The following SMPD3 variants were observed in gnomAD, a reference collection of about 807,000 sequenced individuals.
SMPD3 encodes sphingomyelin phosphodiesterase 3.
SMPD3 carries 21 observed loss-of-function variants against 55.7 expected under a neutral mutation model. That is an observed-to-expected ratio of 0.38 (90% CI 0.27 to 0.54). The LOEUF is 0.54. Ranked by LOEUF, SMPD3 falls within the 20% of genes least tolerant of loss-of-function variation. The pLI, the probability that SMPD3 is intolerant of heterozygous loss-of-function variation, is 0.80. For synonymous variants in SMPD3, 457 were observed against 404.3 expected (o/e 1.13, Z -1.56); for missense variants, 842 against 899.6 (o/e 0.94, Z 0.82).
Position 68,388,704 on chromosome 16 carries a change from G to T in SMPD3, c.-268-2045C>A, listed in dbSNP as rs72792238. On this transcript the variant is annotated intron_variant, in intron 1 of 8. Coordinates refer to ENST00000219334, the MANE Select transcript of SMPD3 (RefSeq NM_018667.4). ...ATCCCTGCATGTTTTTTTCAAAATA[G>T]AATTAAATGACAAGAACTGACTATT... 6.3e-3 allele frequency among the ~76,000 whole-genome samples: 949 copies of T among 150,926 alleles called. 1 individual carries two copies. Among genetic ancestry groups the T allele is most frequent in the Non-Finnish European group, 0.01 (683 of 67,834 alleles).
At chr16:68,376,575 T>G (rs575060356) in intron 2 of SMPD3, among the ~76,000 whole-genome samples, 2 of 152,368 alleles carry the variant, frequency 1.3e-5, no homozygotes, top group East Asian at 3.9e-4. Flanking sequence ...TCCATGGATT[T>G]GTCCCCTTTG....
intron 1 of SMPD3, among the ~76,000 whole-genome samples, chr16:68,400,927 G>A (rs1449376240): frequency 6.6e-6 from 1 of 152,200 alleles, no homozygotes; most frequent in Non-Finnish European, 1.5e-5. Context: ...GATCACAGAG[G>A]CCAAACAATA....
intron 1 of SMPD3, among the ~76,000 whole-genome samples, chr16:68,409,797 T>G (rs907491498): frequency 3.3e-5 from 5 of 152,120 alleles, no homozygotes. Flanking sequence ...GTTTCACTGT[T>G]TTAGCCGGGA....
intron 1 of SMPD3, among the ~76,000 whole-genome samples, chr16:68,439,501 G>A (rs1406002601): frequency 6.6e-6 from 1 of 152,234 alleles, no homozygotes; most frequent in Non-Finnish European, 1.5e-5. Context: ...CTTGGTACCT[G>A]AAAGTCAGGG....
chr16:68,429,731 A>C (rs971914357), intron 1 of SMPD3, among the ~76,000 whole-genome samples: 1 of 152,160 alleles, frequency 6.6e-6, no homozygotes, highest in African/African-American at 2.4e-5. Context: ...GCTTTTCAAA[A>C]TGAAGGACTT....
chr16:68,442,459 C>T (rs1270542263), intron 1 of SMPD3, among the ~76,000 whole-genome samples: 4 of 152,202 alleles, frequency 2.6e-5, no homozygotes, highest in East Asian at 3.8e-4. Flanking sequence ...CCGTGCCCAG[C>T]GCTGTGGCTG....
Position 68,371,735 on chromosome 16 carries a change from C to T in SMPD3, c.447G>A (p.Ala149=), listed in dbSNP as rs753660689. Residue 149 remains alanine, a synonymous_variant, in exon 3 of 9, where the codon GCG becomes GCA. Coordinates refer to ENST00000219334, the MANE Select transcript of SMPD3 (RefSeq NM_018667.4). ...TTCTCTGCCCGATCTCCTTGGCCCG[C>T]GCTTGGGTGTTAAAAAGGTTGTTGA... The part of the protein sequence containing the change: ...ARVNNLFNTQ[A]RAKEIGQRIR... The T allele has an allele frequency of 1.4e-5, 23 of 1,608,554 alleles. No homozygotes were observed. The highest frequency in any genetic ancestry group is 4.5e-5 in the East Asian group (2 of 44,806).
chr16:68,389,992 G>A (rs1367025367), intron 1 of SMPD3, among the ~76,000 whole-genome samples: 1 of 152,230 alleles, frequency 6.6e-6, no homozygotes, highest in Non-Finnish European at 1.5e-5. Context: ...GAGGGTGCTG[G>A]TTGGCTATTT....
At chr16:68,378,427 TTGGGGTC>T (rs2089872548) in intron 2 of SMPD3, among the ~76,000 whole-genome samples, 1 of 152,140 alleles carries the variant, frequency 6.6e-6, no homozygotes, top group Non-Finnish European at 1.5e-5. Flanking sequence ...CCAGGTAGAA[TTGGGGTC>T]TGGGGTCTGG....
intron 1 of SMPD3, among the ~76,000 whole-genome samples, chr16:68,421,747 G>C (rs575673362): frequency 6.6e-6 from 1 of 152,318 alleles, no homozygotes; most frequent in African/African-American, 2.4e-5. Context: ...AAAGAGTCTA[G>C]GGGTGGGCAT....
chr16:68,371,163 T>C lies in SMPD3; in HGVS notation c.1019A>G (p.His340Arg), dbSNP rs2089653367. Reference sequence around the variant, plus strand: ...CTCATGGTCGAAGGCCTCGTCGGGGTGCCGCCTCCTGCGTGCAGCCGCCTT... The same window carrying C: ...CTCATGGTCGAAGGCCTCGTCGGGGCGCCGCCTCCTGCGTGCAGCCGCCTT... Reference protein sequence around the residue: ...VKKAAARRRRHPDEAFDHEVS... With the variant: ...VKKAAARRRRRPDEAFDHEVS... The change falls in exon 3 of 9, where the codon CAC becomes CGC. Residue 340 changes from histidine to arginine, a missense_variant. His to Arg is a conservative substitution (Grantham distance 29). Coordinates refer to ENST00000219334, the MANE Select transcript of SMPD3 (RefSeq NM_018667.4). The C allele has an allele frequency of 6.2e-7, 1 of 1,613,316 alleles. No homozygotes were observed. Among genetic ancestry groups the C allele is most frequent in the Non-Finnish European group, 8.5e-7 (1 of 1,179,958 alleles).
At chr16:68,409,132 C>A (rs187812938) in intron 1 of SMPD3, among the ~76,000 whole-genome samples, 4 of 152,370 alleles carry the variant, frequency 2.6e-5, no homozygotes, top group African/African-American at 4.8e-5. Flanking sequence ...GGAATTCCAG[C>A]AGGCACTGCA....
chr16:68,392,660 G>C (rs1385071380), intron 1 of SMPD3, among the ~76,000 whole-genome samples: 2 of 151,904 alleles, frequency 1.3e-5, no homozygotes, highest in African/African-American at 4.8e-5. Context: ...CCAAGAGTTA[G>C]AGACCAGCCT....
At chr16:68,393,420 C>A (rs551747472) in intron 1 of SMPD3, among the ~76,000 whole-genome samples, 1 of 152,116 alleles carries the variant, frequency 6.6e-6, no homozygotes, top group South Asian at 2.1e-4. Context: ...ACAAAAAAAA[C>A]AAAAAGGAAA....
chr16:68,364,079 C>T (rs1043703408), intron 5 of SMPD3, among the ~76,000 whole-genome samples: 7 of 152,204 alleles, frequency 4.6e-5, no homozygotes, highest in Admixed American at 1.3e-4. Flanking sequence ...CCCCAGCACA[C>T]GCCCTGATCT....
chr16:68,416,294 G>T (rs889703388), intron 1 of SMPD3, among the ~76,000 whole-genome samples: 1 of 152,088 alleles, frequency 6.6e-6, no homozygotes, highest in Non-Finnish European at 1.5e-5. Flanking sequence ...TCTAGGCCTC[G>T]CCCTCTTCCC....
intron 1 of SMPD3, among the ~76,000 whole-genome samples, chr16:68,398,299 A>G (rs1169521148): frequency 6.6e-6 from 1 of 152,228 alleles, no homozygotes; most frequent in African/African-American, 2.4e-5. Context: ...GTTTTTATGT[A>G]GTTCTCAAAT....
intron 1 of SMPD3, among the ~76,000 whole-genome samples, chr16:68,440,499 C>T (rs2090557423): frequency 1.3e-5 from 2 of 152,214 alleles, no homozygotes; most frequent in African/African-American, 4.8e-5. Context: ...CTGCGCTTGG[C>T]CTGAACTGCA....
In SMPD3 at chr16:68,371,135, G is replaced by A; in HGVS notation, c.1047C>T (p.Val349=). Residue 349 remains valine, a synonymous_variant, in exon 3 of 9, where the codon GTC becomes GTT. Transcript: ENST00000219334. ...RHPDEAFDHE[V]SAFFPANLDF... ...CCAGGTTGGCGGGGAAGAAGGCGGA[G>A]ACCTCATGGTCGAAGGCCTCGTCGG... is the stretch of plus-strand genomic sequence containing the variant. 2 of 1,613,908 alleles carry A rather than the reference G, an allele frequency of 1.2e-6. No individual in the cohort carries two copies. Among genetic ancestry groups the A allele is most frequent in the Non-Finnish European group, 1.7e-6 (2 of 1,180,022 alleles).
Sources: allele counts gnomAD v4.1 joint callset (sites outside exome capture counted in the v4.1 genomes callset), GRCh38; gene constraint gnomAD v4.1.1; transcripts MANE v1.5; gene names NCBI Gene and HGNC (gene_info 2026-07-23, HGNC 2026-07-21).